The following TMPRSS15 variants were observed in gnomAD, a reference collection of about 807,000 sequenced individuals.
TMPRSS15 encodes the protein enteropeptidase.
In TMPRSS15, 128 loss-of-function variants were observed where a neutral mutation model predicts 125.3. The observed-to-expected ratio is 1.02, with a 90% CI of 0.89 to 1.18. TMPRSS15 has a LOEUF of 1.18. Ranked by LOEUF, TMPRSS15 falls within the 50% of genes most tolerant of loss-of-function variation. TMPRSS15 has a pLI of 0.00. For missense variants in TMPRSS15, 1,283 were observed against 1,212.7 expected (o/e 1.06, Z -0.86); for synonymous variants, 446 against 423.2 (o/e 1.05, Z -0.66).
At chr21:18,288,945 T>C (rs763238044) in intron 21 of TMPRSS15, among the ~76,000 whole-genome samples, 1 of 152,038 alleles carries the variant, frequency 6.6e-6, no homozygotes, top group African/African-American at 2.4e-5. Flanking sequence ...CCTAGAACAA[T>C]AAGACTAGGT....
chr21:18,409,443 G>A (rs2076160005), intron 1 of TMPRSS15, among the ~76,000 whole-genome samples: 1 of 151,724 alleles, frequency 6.6e-6, no homozygotes, highest in Admixed American at 6.6e-5. Context: ...ATTCATAATG[G>A]GGTTAGGGTC....
chr21:18,321,349 CTTTTTT>C (rs751011766), intron 16 of TMPRSS15, among the ~76,000 whole-genome samples: 10 of 100,596 alleles, frequency 9.9e-5, no homozygotes, highest in African/African-American at 4.1e-4. Flanking sequence ...TTTTTTCCTT[CTTTTTT>C]TTTTTTTTTT....
chr21:18,335,170 A>G (rs1034708985), intron 13 of TMPRSS15, among the ~76,000 whole-genome samples: 2 of 152,212 alleles, frequency 1.3e-5, no homozygotes, highest in Non-Finnish European at 2.9e-5. Flanking sequence ...GAGACCAGTG[A>G]AGGAGGGAAT....
intron 5 of TMPRSS15, among the ~76,000 whole-genome samples, chr21:18,376,640 A>G (rs2075846645): frequency 6.6e-6 from 1 of 152,150 alleles, no homozygotes; most frequent in South Asian, 2.1e-4. Context: ...AGTAACAGTA[A>G]AGGACTAGAA....
At chr21:18,336,276 T>C (rs17002571) in intron 13 of TMPRSS15, among the ~76,000 whole-genome samples, 7,788 of 152,260 alleles carry the variant, frequency 0.051, 610 homozygotes, top group African/African-American at 0.17. Context: ...TTTTGATTGA[T>C]ACTTTATGTG....
At position 18,359,909 on chromosome 21, in the gene TMPRSS15, C is replaced by A; in HGVS notation, c.774-46G>T. On this transcript the variant is annotated intron_variant, in intron 7 of 24. Transcript: ENST00000284885. ...AGATTACCAAATTTTTAACAGTTGT[C>A]ATATTTCTTAATGCATTCTAGAATT... The A allele has an allele frequency of 3.3e-6, 3 of 914,574 alleles. No individual in the cohort carries two copies. In the South Asian group the frequency reaches 4.0e-5, roughly 12 times the overall value. 56.7% of individuals were successfully genotyped at this position (914,574 alleles called of 1,614,324 possible). A position where few individuals can be genotyped will look rare whatever the true frequency, so the allele number is the denominator to read the frequency against.
At chr21:18,388,733 C>T (rs1728332006) in intron 3 of TMPRSS15, among the ~76,000 whole-genome samples, 1 of 152,136 alleles carries the variant, frequency 6.6e-6, no homozygotes, top group African/African-American at 2.4e-5. Context: ...TTTCATTCAC[C>T]ACAACGTAGA....
rs182182495 is a variant in TMPRSS15, at chr21:18,409,750, A to C, written c.11-11421T>G. ...AAAAGTAATAAATAGTACTGTTGAAAATTTTTCTTTGATTGAGTTTGCTTC... is the reference window on the plus strand; with the variant it reads ...AAAAGTAATAAATAGTACTGTTGAACATTTTTCTTTGATTGAGTTTGCTTC... On this transcript the variant is annotated intron_variant, in intron 1 of 7. Coordinates refer to the TMPRSS15 transcript ENST00000422787. Among the ~76,000 whole-genome samples, 92 of 152,044 alleles carry C rather than the reference A, an allele frequency of 6.1e-4. 3 individuals are homozygous for C. The East Asian group carries it at 0.017, about 28-fold the overall frequency.
intron 18 of TMPRSS15, among the ~76,000 whole-genome samples, chr21:18,306,962 T>C (rs2075045538): frequency 6.6e-6 from 1 of 152,216 alleles, no homozygotes; most frequent in Non-Finnish European, 1.5e-5. Flanking sequence ...TAGGATTTAC[T>C]AGAATCTGAG....
chr21:18,382,591 A>C (rs1389566617), intron 4 of TMPRSS15, among the ~76,000 whole-genome samples: 1 of 152,210 alleles, frequency 6.6e-6, no homozygotes, highest in African/African-American at 2.4e-5. Context: ...ATACCGATTG[A>C]TCTCATTTTG....
chr21:18,358,010 T>A (rs558126060), intron 8 of TMPRSS15, among the ~76,000 whole-genome samples: 62 of 151,960 alleles, frequency 4.1e-4, no homozygotes, highest in Non-Finnish European at 7.8e-4. Context: ...CAACTACCTA[T>A]TATAATATAA....
intron 3 of TMPRSS15, among the ~76,000 whole-genome samples, chr21:18,386,263 C>T (rs1318713631): frequency 6.6e-6 from 1 of 152,050 alleles, no homozygotes; most frequent in Admixed American, 6.6e-5. Flanking sequence ...GGTTATACAG[C>T]TTATTAGTGT....
chr21:18,359,303 A>T (rs750501280), intron 8 of TMPRSS15, among the ~76,000 whole-genome samples: 17 of 152,042 alleles, frequency 1.1e-4, no homozygotes, highest in Non-Finnish European at 1.6e-4. Flanking sequence ...CCTTGGCTAG[A>T]CAGTGTTTTA....
chr21:18,271,600 CT>C (rs915001348), intron 24 of TMPRSS15, among the ~76,000 whole-genome samples: 7 of 148,696 alleles, frequency 4.7e-5, no homozygotes, highest in African/African-American at 7.4e-5. Flanking sequence ...CTTTTCTTTT[CT>C]TTTTTTTTTA....
intron 14 of TMPRSS15, among the ~76,000 whole-genome samples, chr21:18,331,350 G>A (rs973572549): frequency 6.6e-6 from 1 of 152,126 alleles, no homozygotes; most frequent in East Asian, 1.9e-4. Context: ...AACAAGGCAC[G>A]ACCATGGAAA....
chr21:18,445,698 G>A (rs746346280), intron 1 of TMPRSS15, among the ~76,000 whole-genome samples: 1 of 152,100 alleles, frequency 6.6e-6, no homozygotes, highest in East Asian at 1.9e-4. Context: ...TTAACAAAAT[G>A]TAGAAAATAA....
At chr21:18,363,550 T>C (rs948771142) in intron 7 of TMPRSS15, among the ~76,000 whole-genome samples, 1 of 112,140 alleles carries the variant, frequency 8.9e-6, no homozygotes, top group East Asian at 5.1e-4. Context: ...GTGTACCCAA[T>C]TATGCAGATT....
intron 1 of TMPRSS15, among the ~76,000 whole-genome samples, chr21:18,451,905 AATTTTATGCATGCATAATTTT>A (rs1978345551): frequency 6.6e-6 from 1 of 150,690 alleles, no homozygotes; most frequent in African/African-American, 2.5e-5. Context: ...ATGCATGCAT[AATTTTATGCATGCATAATTTT>A]ATGTATGCAA....
chr21:18,470,021 C>T (rs2300505), intron 1 of TMPRSS15, among the ~76,000 whole-genome samples: 69,374 of 151,460 alleles, frequency 0.46, 16,774 homozygotes, highest in East Asian at 0.91. Flanking sequence ...TTGTTATTTA[C>T]TTGGGTCTAA....
Sources: gnomAD v4.1 joint callset for allele counts (sites outside exome capture counted in the v4.1 genomes callset) on GRCh38, gnomAD v4.1.1 for gene constraint, MANE v1.5 for transcripts, NCBI Gene and HGNC (gene_info 2026-07-23, HGNC 2026-07-21) for gene names.